Variants in MFSD12 observed in about 807,000 individuals in gnomAD.
MFSD12 encodes major facilitator superfamily domain containing 12, also known as major facilitator superfamily domain-containing protein 12.
Under a neutral mutation model 51.2 loss-of-function variants are expected in MFSD12, and 67 were observed. The observed-to-expected ratio is 1.31, with a 90% CI of 1.08 to 1.60. MFSD12 has a LOEUF of 1.60. Among genes scored for constraint, MFSD12 ranks in the 40% most tolerant of loss-of-function variants. The probability of loss-of-function intolerance (pLI) is 0.00; values close to 1 mark genes in which losing one functional copy is unlikely to be tolerated. For missense variants in MFSD12, 921 were observed against 673.0 expected (o/e 1.37, Z -4.08); for synonymous variants, 441 against 316.7 (o/e 1.39, Z -4.17).
At chr19:3,548,925 G>C (rs999819592) in intron 2 of MFSD12, among the ~76,000 whole-genome samples, 10 of 151,480 alleles carry the variant, frequency 6.6e-5, no homozygotes, top group Admixed American at 2.6e-4. Context: ...CTCAAATCTG[G>C]GGGTGGGGAG....
intron 1 of MFSD12, among the ~76,000 whole-genome samples, chr19:3,556,017 C>A (rs1292032319): frequency 6.6e-6 from 1 of 152,188 alleles, no homozygotes; most frequent in African/African-American, 2.4e-5. Context: ...CTAATCAGGG[C>A]AGCTCCCCCA....
chr19:3,540,048 T>G (rs2030230474), downstream of MFSD12: 2 of 151,606 alleles, frequency 1.3e-5, no homozygotes, highest in South Asian at 4.2e-4. Flanking sequence ...GCCCAGGAGT[T>G]CAAGACCAGC....
At position 3,548,015 on chromosome 19, in the gene MFSD12, C is replaced by G; in HGVS notation, c.670G>C (p.Val224Leu). 1 of 1,599,534 alleles carries G rather than the reference C, an allele frequency of 6.3e-7. No individual in the cohort carries two copies. Among genetic ancestry groups the G allele is most frequent in the East Asian group, 2.2e-5 (1 of 44,846 alleles). Reference sequence around the variant, plus strand: ...GAGAACACGGCGCCGACACCCACCACCAGCAGGGACAGGTTCTGGGGATGC... The same window carrying G: ...GAGAACACGGCGCCGACACCCACCAGCAGCAGGGACAGGTTCTGGGGATGC... ...VPVFRNLSLL[V>L]VGVGAVFSLL... is the part of the protein sequence containing the mutation. The change falls in exon 4 of 10, where the codon GTG (valine) becomes CTG (leucine). Residue 224 changes from valine (V) to leucine (L), a missense_variant. Val to Leu is a conservative substitution (Grantham distance 32). Transcript: ENST00000355415.
In MFSD12 at chr19:3,553,593, CCT is replaced by C. The variant is rs2031583996; in HGVS notation, c.299-2401_299-2400del. 2.6e-5 allele frequency among the ~76,000 whole-genome samples: 4 copies of C among 151,030 alleles called. No individual in the cohort carries two copies. In the South Asian group the frequency reaches 6.3e-4, roughly 24 times the overall value. On this transcript the variant is annotated intron_variant, in intron 1 of 9. Transcript: ENST00000355415. ...ACCATCCTGGCTAACATGATGAAAC[CCT>C]GTCTCTACTAAAAATGCAAAAAAAA...
At chr19:3,557,017 A>G (rs2031761279) in intron 1 of MFSD12, 89 bp downstream of exon 1, 1 of 1,051,144 alleles carries the variant, frequency 9.5e-7, no homozygotes, top group East Asian at 1.0e-4. Context: ...AGGCAGGCAG[A>G]CGGCGGGTGG....
At chr19:3,549,994 G>C (rs1265155213) in intron 2 of MFSD12, among the ~76,000 whole-genome samples, 3 of 152,116 alleles carry the variant, frequency 2.0e-5, no homozygotes, top group South Asian at 2.1e-4. Flanking sequence ...CTTTGGGAGA[G>C]AGGGCTTAGG....
chr19:3,544,090 C>A, downstream of MFSD12: 5 of 1,449,418 alleles, frequency 3.4e-6, no homozygotes, highest in South Asian at 7.2e-5. Flanking sequence ...ACCAGAGGCT[C>A]GGGACAGAGG....
chr19:3,550,274 T>C (rs2031396218), intron 2 of MFSD12, among the ~76,000 whole-genome samples: 1 of 151,094 alleles, frequency 6.6e-6, no homozygotes, highest in South Asian at 2.1e-4. Context: ...GATGGCTGAG[T>C]GTGGTGGCTC....
chr19:3,542,608 G>A (rs1401068106), downstream of MFSD12: 3 of 745,720 alleles, frequency 4.0e-6, no homozygotes, highest in Admixed American at 6.3e-5. Context: ...TGAGTAGCTG[G>A]GATTACAGGT....
intron 1 of MFSD12, among the ~76,000 whole-genome samples, chr19:3,555,295 A>G (rs977429392): frequency 1.1e-4 from 16 of 152,186 alleles, no homozygotes; most frequent in African/African-American, 3.1e-4. Flanking sequence ...TTTAGTAGAG[A>G]CGGGGTTTTG....
chr19:3,555,553 G>C (rs75940929), intron 1 of MFSD12, among the ~76,000 whole-genome samples: 3,841 of 152,306 alleles, frequency 0.025, 153 homozygotes, highest in African/African-American at 0.087. Context: ...GCCGCCTCAG[G>C]TACCCCAGGA....
rs1450310977 is a variant in MFSD12, at chr19:3,544,251, GC to G, written c.*458del. The G allele has an allele frequency of 6.8e-5, 89 of 1,311,248 alleles. No homozygotes were observed. The highest frequency in any genetic ancestry group is 8.6e-5 in the Non-Finnish European group (89 of 1,032,354). The allele number at this position is 1,311,248 out of a possible 1,614,324, so 81.2% of individuals were successfully genotyped here. On this transcript the variant is annotated 3_prime_UTR_variant, in exon 10 of 10. Coordinates refer to ENST00000355415, the MANE Select transcript of MFSD12 (RefSeq NM_174983.5). ...CAGAGTCCACCAAGCCTGCCGGGCAGCCCTGCTGCCCACCACGGTGGGGTCC... is the reference window on the plus strand; with the variant it reads ...CAGAGTCCACCAAGCCTGCCGGGCAGCCTGCTGCCCACCACGGTGGGGTCC...
Position 3,544,345 on chromosome 19 carries a change from G to A in MFSD12, c.*365C>T, listed in dbSNP as rs533605727. 180 of 1,271,610 alleles carry A rather than the reference G, an allele frequency of 1.4e-4. 5 individuals are homozygous for A. The South Asian group carries it at 4.3e-3, about 30-fold the overall frequency. The allele number at this position is 1,271,610 out of a possible 1,614,324, so 78.8% of individuals were successfully genotyped here. A position where few individuals can be genotyped will look rare whatever the true frequency, so the allele number is the denominator to read the frequency against. Reference sequence around the variant, plus strand: ...GCCGTCCTGAGGGGGCCCTGGCAGTGTCTGGAGACCCCCAGGCTGGAGGTG... The same window carrying A: ...GCCGTCCTGAGGGGGCCCTGGCAGTATCTGGAGACCCCCAGGCTGGAGGTG... On this transcript the variant is annotated 3_prime_UTR_variant, in exon 10 of 10. Transcript: ENST00000355415.
chr19:3,552,467 C>CTTTTTTTTT (rs397859575), intron 1 of MFSD12, among the ~76,000 whole-genome samples: 1 of 65,196 alleles, frequency 1.5e-5, no homozygotes, highest in Non-Finnish European at 2.7e-5. Context: ...CGCGCCCCGC[C>CTTTTTTTTT]TTTTTTTTTT....
At chr19:3,550,898 T>A in intron 2 of MFSD12, 86 bp downstream of exon 2, 1 of 1,136,356 alleles carries the variant, frequency 8.8e-7, no homozygotes, top group African/African-American at 1.5e-5. Flanking sequence ...CTGCCGAGTC[T>A]GTGGCCGCTC....
intron 2 of MFSD12, 34 bp from the exon 3 acceptor site, chr19:3,548,301 G>A (rs372067143): frequency 7.8e-6 from 12 of 1,542,368 alleles, no homozygotes; most frequent in Middle Eastern, 2.2e-4. Flanking sequence ...TCAACAAGAC[G>A]CCAGGAACCT....
At chr19:3,545,328 C>T (rs1758177638) in intron 8 of MFSD12, among the ~76,000 whole-genome samples, 1 of 152,220 alleles carries the variant, frequency 6.6e-6, no homozygotes, top group Admixed American at 6.5e-5. Context: ...CTCTGTGAGT[C>T]CCACTGTCCT....
chr19:3,543,436 C>T (rs775033534), downstream of MFSD12: 3 of 1,545,828 alleles, frequency 1.9e-6, no homozygotes, highest in South Asian at 3.6e-5. Context: ...ACCGCTGGCA[C>T]AGCTGCTACC....
In MFSD12 at chr19:3,548,175, TG is replaced by T. The variant is rs751789866; in HGVS notation, c.601del (p.Gln201LysfsTer85). The T allele has an allele frequency of 3.1e-6, 5 of 1,595,864 alleles. No homozygotes were observed. Among genetic ancestry groups the T allele is most frequent in the Non-Finnish European group, 4.3e-6 (5 of 1,173,000 alleles). On this transcript the variant is annotated frameshift_variant, in exon 3 of 10. Coordinates refer to ENST00000355415, the MANE Select transcript of MFSD12 (RefSeq NM_174983.5). LOFTEE classifies it high-confidence loss of function. ...LQGSSRVEPT[Q>X]DISISDQLGG... ...CAGCTGGTCGCTGATGCTGATGTCT[TG>T]GGTGGGCTCCACCCGCGACGAGCCC...
Sources: gnomAD v4.1 joint callset for allele counts (sites outside exome capture counted in the v4.1 genomes callset) on GRCh38, gnomAD v4.1.1 for gene constraint, MANE v1.5 for transcripts, NCBI Gene and HGNC (gene_info 2026-07-23, HGNC 2026-07-21) for gene names.